RIN3: variants seen among roughly 807,000 people sequenced by gnomAD.
The protein encoded by RIN3 is RAB5 interacting protein 3.
RIN3 carries 54 observed loss-of-function variants against 76.3 expected under a neutral mutation model. The observed-to-expected ratio is 0.71, with a 90% CI of 0.57 to 0.89. The LOEUF (loss-of-function observed/expected upper bound fraction) is 0.89, where lower values mean the gene tolerates loss of function less well. Ranked by LOEUF, RIN3 falls within the 40% of genes least tolerant of loss-of-function variation. RIN3 has a pLI of 0.00. For synonymous variants in RIN3, 576 were observed against 564.0 expected (o/e 1.02, Z -0.30); for missense variants, 1,256 against 1,322.1 (o/e 0.95, Z 0.78).
Position 92,577,471 on chromosome 14 carries a change from A to G in RIN3, c.361A>G (p.Lys121Glu). The G allele has an allele frequency of 6.3e-7, 1 of 1,599,404 alleles. No homozygotes were observed. Residue 121 changes from lysine (K) to glutamate (E), a missense_variant, in exon 3 of 10, where the codon AAG becomes GAG. Transcript: ENST00000216487. ...GCTCGAATACACCATTAAGGAAGAA[A>G]AGTCGAGTAAGTACCCATCTTCTCT... ...EVLEYTIKEEKSILYLEGSAL... is the reference protein window; with the variant it reads ...EVLEYTIKEEESILYLEGSAL...
chr14:92,547,891 A>G (rs1226732259), intron 1 of RIN3, among the ~76,000 whole-genome samples: 10 of 151,968 alleles, frequency 6.6e-5, no homozygotes. Flanking sequence ...TTTAGTAGAG[A>G]TGGGGTTTCA....
At chr14:92,676,698 G>A (rs1888477839) in intron 8 of RIN3, 92 bp downstream of exon 8, 3 of 1,415,742 alleles carry the variant, frequency 2.1e-6, no homozygotes, top group Admixed American at 1.8e-5. Flanking sequence ...AGCACCTCCT[G>A]GATGCCAGAC....
intron 1 of RIN3, among the ~76,000 whole-genome samples, chr14:92,553,465 G>A (rs577635291): frequency 7.9e-5 from 12 of 152,178 alleles, no homozygotes; most frequent in Admixed American, 7.8e-4. Context: ...TATCAGCCAG[G>A]CCGCCCTGGC....
At chr14:92,686,158 A>T (rs1236518000) in intron 9 of RIN3, 2 of 152,068 alleles carry the variant, frequency 1.3e-5, no homozygotes, top group African/African-American at 4.8e-5. Context: ...CCTGAGCCAC[A>T]CTCCTGGCTT....
intron 1 of RIN3, among the ~76,000 whole-genome samples, chr14:92,525,136 TG>T (rs1181045815): frequency 6.6e-6 from 1 of 151,810 alleles, no homozygotes; most frequent in Non-Finnish European, 1.5e-5. Context: ...TAGGTGTGTA[TG>T]GGGGTGGGGT....
intron 2 of RIN3, among the ~76,000 whole-genome samples, chr14:92,573,427 T>A (rs1164484684): frequency 1.3e-5 from 2 of 152,222 alleles, no homozygotes; most frequent in Non-Finnish European, 2.9e-5. Flanking sequence ...TTCAGAGGCA[T>A]GATTGATTAA....
intron 1 of RIN3, among the ~76,000 whole-genome samples, chr14:92,539,928 C>T (rs1313609750): frequency 6.6e-6 from 1 of 152,166 alleles, no homozygotes; most frequent in Non-Finnish European, 1.5e-5. Context: ...TGGGAGCCAC[C>T]ACCAGAAGGG....
At chr14:92,564,967 G>A (rs945826566) in intron 2 of RIN3, among the ~76,000 whole-genome samples, 6 of 152,200 alleles carry the variant, frequency 3.9e-5, no homozygotes, top group Non-Finnish European at 5.9e-5. Context: ...AGTGGCAGAT[G>A]GAGGGCCCTA....
chr14:92,519,598 A>G (rs957059412), intron 1 of RIN3, among the ~76,000 whole-genome samples: 1 of 152,066 alleles, frequency 6.6e-6, no homozygotes, highest in African/African-American at 2.4e-5. Flanking sequence ...TTGGAGTCTG[A>G]GGGGCGGCCC....
intron 5 of RIN3, among the ~76,000 whole-genome samples, chr14:92,649,821 C>T (rs1884447349): frequency 6.6e-6 from 1 of 152,210 alleles, no homozygotes; most frequent in South Asian, 2.1e-4. Flanking sequence ...GGTCTCTCTC[C>T]ACTGGCTGTG....
At chr14:92,684,402 A>C (rs1477506001) in intron 8 of RIN3, among the ~76,000 whole-genome samples, 1 of 150,918 alleles carries the variant, frequency 6.6e-6, no homozygotes, top group Non-Finnish European at 1.5e-5. Context: ...AAAAAAAAAA[A>C]CCTCACACAA....
At position 92,652,043 on chromosome 14, in the gene RIN3, C is replaced by T; in HGVS notation, c.994C>T (p.His332Tyr). 6.2e-7 allele frequency: 1 copy of T among 1,601,902 alleles called. No homozygotes were observed. Among genetic ancestry groups the T allele is most frequent in the Middle Eastern group, 1.7e-4 (1 of 6,056 alleles). Residue 332 changes from histidine (H) to tyrosine (Y), a missense_variant, in exon 6 of 10, where the codon CAT (histidine) becomes TAT (tyrosine). Coordinates refer to ENST00000216487, the MANE Select transcript of RIN3 (RefSeq NM_024832.5). This position sits in a 1 kb window ranked among gnomAD's most constrained non-coding sequence, Gnocchi z 6.4. ...VTPHAPGPPDHPNQPPMMTCE... is the reference protein window; with the variant it reads ...VTPHAPGPPDYPNQPPMMTCE... ...ACCCCATGCCCCAGGTCCCCCAGAC[C>T]ATCCGAACCAGCCGCCCATGATGAC...
At chr14:92,666,582 G>C (rs150968809) in intron 7 of RIN3, among the ~76,000 whole-genome samples, 1 of 14,822 alleles carries the variant, frequency 6.7e-5, no homozygotes, top group Non-Finnish European at 1.1e-4. Context: ...GGAGCAGACC[G>C]GGATTCTTCA....
intron 3 of RIN3, among the ~76,000 whole-genome samples, chr14:92,595,198 G>A (rs1034160807): frequency 6.6e-6 from 1 of 152,214 alleles, no homozygotes; most frequent in African/African-American, 2.4e-5. Flanking sequence ...CAGGGCTCTT[G>A]TGATCAAAAT....
intron 3 of RIN3, among the ~76,000 whole-genome samples, chr14:92,597,666 TTCTC>T (rs1297047796): frequency 6.6e-6 from 1 of 152,192 alleles, no homozygotes; most frequent in Non-Finnish European, 1.5e-5. Context: ...GTTAGTTCTG[TTCTC>T]TCTCCTGGGC....
At chr14:92,672,980 AC>A (rs1475952144) in intron 7 of RIN3, among the ~76,000 whole-genome samples, 1 of 151,964 alleles carries the variant, frequency 6.6e-6, no homozygotes, top group Non-Finnish European at 1.5e-5. Context: ...TAATATCATC[AC>A]GGTCTATCAA....
At chr14:92,670,173 C>A (rs966942975) in intron 7 of RIN3, among the ~76,000 whole-genome samples, 12 of 152,032 alleles carry the variant, frequency 7.9e-5, no homozygotes, top group African/African-American at 2.9e-4. Flanking sequence ...CTCTTCAGCT[C>A]ATTTTGATCT....
intron 3 of RIN3, among the ~76,000 whole-genome samples, chr14:92,596,217 G>A (rs1352122772): frequency 1.3e-5 from 2 of 152,192 alleles, no homozygotes; most frequent in African/African-American, 4.8e-5. Context: ...ACCTACAAAA[G>A]TAGGATCCCC....
intron 3 of RIN3, among the ~76,000 whole-genome samples, chr14:92,611,112 G>A (rs570631644): frequency 6.6e-6 from 1 of 152,264 alleles, no homozygotes; most frequent in East Asian, 1.9e-4. Context: ...GGCGTGGACA[G>A]GCTTGGTTCC....
Sources: gnomAD v4.1 joint callset for allele counts (sites outside exome capture counted in the v4.1 genomes callset) on GRCh38, gnomAD v4.1.1 for gene constraint, Gnocchi (gnomAD v3.1) non-coding constraint, MANE v1.5 for transcripts, NCBI Gene and HGNC (gene_info 2026-07-23, HGNC 2026-07-21) for gene names.